CABIN1: variants seen among roughly 807,000 people sequenced by gnomAD.
CABIN1 encodes calcineurin-binding protein cabin-1.
A neutral mutation model predicts 227.7 loss-of-function variants in CABIN1; 133 were observed. The observed-to-expected ratio is 0.58, with a 90% CI of 0.51 to 0.67. CABIN1 has a LOEUF of 0.67. CABIN1 is among the 30% of genes least tolerant of loss of function. The probability of loss-of-function intolerance (pLI) is 0.00; values close to 1 mark genes in which losing one functional copy is unlikely to be tolerated. For missense variants in CABIN1, 2,408 were observed against 2,852.5 expected (o/e 0.84, Z 3.55); for synonymous variants, 1,086 against 1,155.1 (o/e 0.94, Z 1.21).
intron 27 of CABIN1, among the ~76,000 whole-genome samples, chr22:24,114,619 C>T (rs964852842): frequency 1.3e-5 from 2 of 152,206 alleles, no homozygotes; most frequent in Non-Finnish European, 2.9e-5. Context: ...CGCTACCTCT[C>T]CGGGTGGGAT....
At chr22:24,076,984 A>G (rs1407878187) in intron 19 of CABIN1, among the ~76,000 whole-genome samples, 1 of 152,228 alleles carries the variant, frequency 6.6e-6, no homozygotes, top group Non-Finnish European at 1.5e-5. Context: ...AACCATGCCC[A>G]TTCATTTACA....
At chr22:24,118,327 A>G (rs1191391277) in intron 27 of CABIN1, among the ~76,000 whole-genome samples, 2 of 152,146 alleles carry the variant, frequency 1.3e-5, no homozygotes, top group African/African-American at 4.8e-5. Context: ...TTCTTTCCTC[A>G]ACGAGAATAG....
chr22:24,095,581 G>T (rs531121762), intron 24 of CABIN1, among the ~76,000 whole-genome samples: 1 of 152,278 alleles, frequency 6.6e-6, no homozygotes, highest in Non-Finnish European at 1.5e-5. Context: ...ACTTTCTATG[G>T]GTGCCCACTG....
At position 24,141,530 on chromosome 22, in the gene CABIN1, G is replaced by A. The variant is rs569115565; in HGVS notation, c.4746+7115G>A. On this transcript the variant is annotated intron_variant, in intron 29 of 36. Transcript: ENST00000263119. ...AGGACACAGGTCCCCACAGCCAAGC[G>A]CTTCCACACCTTGCCAGGTGTTTTG... 5.9e-5 allele frequency among the ~76,000 whole-genome samples: 9 copies of A among 152,356 alleles called. No individual in the cohort carries two copies. In the East Asian group the frequency reaches 1.4e-3, roughly 23 times the overall value.
At position 24,063,108 on chromosome 22, in the gene CABIN1, C is replaced by T. The variant is rs143758897; in HGVS notation, c.1846C>T (p.Arg616Cys). ...FEDGWLEFVV[R>C]VYWLKARFLA... is the part of the protein sequence containing the mutation. The stretch of plus-strand genomic sequence containing the variant: ...GGATGGTTGGCTGGAGTTTGTGGTC[C>T]GTGTTTACTGGCTGAAGGCTCGCTT... The change falls in exon 14 of 37, where the codon CGT (arginine) becomes TGT (cysteine). Residue 616 changes from arginine to cysteine, a missense_variant. Coordinates refer to ENST00000263119, the MANE Select transcript of CABIN1 (RefSeq NM_012295.4). 2.0e-5 allele frequency: 32 copies of T among 1,614,006 alleles called. No individual in the cohort carries two copies. In the South Asian group the frequency reaches 2.3e-4, roughly 12 times the overall value.
intron 1 of CABIN1, among the ~76,000 whole-genome samples, chr22:24,032,525 T>C (rs117695503): frequency 6.6e-6 from 1 of 152,354 alleles, no homozygotes; most frequent in East Asian, 1.9e-4. Context: ...CTGGGTCATG[T>C]AGTAATTCTG....
At chr22:24,058,971 T>G (rs565371153) in intron 10 of CABIN1, among the ~76,000 whole-genome samples, 1 of 152,360 alleles carries the variant, frequency 6.6e-6, no homozygotes, top group East Asian at 1.9e-4. Flanking sequence ...CCTAGCACAG[T>G]GCCTGGCACA....
intron 29 of CABIN1, among the ~76,000 whole-genome samples, chr22:24,159,952 G>A (rs2046053645): frequency 6.6e-6 from 1 of 152,160 alleles, no homozygotes; most frequent in Non-Finnish European, 1.5e-5. Flanking sequence ...TGGCATCACT[G>A]CATTCTCCAT....
chr22:24,128,308 A>G (rs1020263356), intron 28 of CABIN1, among the ~76,000 whole-genome samples: 32 of 104,884 alleles, frequency 3.1e-4, no homozygotes, highest in Admixed American at 5.3e-4. Flanking sequence ...GGGCGGGGGG[A>G]GGGTGGGCAC....
intron 1 of CABIN1, among the ~76,000 whole-genome samples, chr22:24,029,293 G>T (rs2036321176): frequency 6.6e-6 from 1 of 152,218 alleles, no homozygotes; most frequent in South Asian, 2.1e-4. Context: ...GTTGGAGGTT[G>T]CAGTGAGCCT....
chr22:24,098,825 G>A (rs2042045932), intron 26 of CABIN1, among the ~76,000 whole-genome samples: 1 of 152,164 alleles, frequency 6.6e-6, no homozygotes, highest in Non-Finnish European at 1.5e-5. Flanking sequence ...ATAGTGATAA[G>A]CTAGTGACAA....
chr22:24,070,065 C>CAAAA lies in CABIN1; in HGVS notation c.2233-723_2233-720dup, dbSNP rs66725021. 9.4e-4 allele frequency among the ~76,000 whole-genome samples: 108 copies of CAAAA among 115,414 alleles called. 1 individual carries two copies. Among genetic ancestry groups the CAAAA allele is most frequent in the African/African-American group, 3.2e-3 (102 of 31,620 alleles). 75.7% of individuals were successfully genotyped at this position (115,414 alleles called of 152,430 possible). ...CATTTAAATGGGTTGTATTCTAGGC[C>CAAAA]AAAAAAAAAAAAAAAGGAGCTTTGC... On this transcript the variant is annotated intron_variant, in intron 16 of 36. Transcript: ENST00000263119.
chr22:24,067,568 C>G (rs149292815), intron 16 of CABIN1, among the ~76,000 whole-genome samples: 39 of 152,274 alleles, frequency 2.6e-4, no homozygotes, highest in African/African-American at 8.9e-4. Flanking sequence ...TGGAAAGAAT[C>G]AAGATAAAAT....
intron 29 of CABIN1, among the ~76,000 whole-genome samples, chr22:24,139,858 G>T (rs2044647735): frequency 6.6e-6 from 1 of 152,238 alleles, no homozygotes; most frequent in South Asian, 2.1e-4. Context: ...CTCAGCAGTT[G>T]GTCTCCAAGC....
At position 24,083,279 on chromosome 22, in the gene CABIN1, C is replaced by A; in HGVS notation, c.2800C>A (p.Pro934Thr). 6.2e-7 allele frequency: 1 copy of A among 1,613,346 alleles called. No homozygotes were observed. The highest frequency in any genetic ancestry group is 8.5e-7 in the Non-Finnish European group (1 of 1,180,024). The change falls in exon 20 of 37, where the codon CCT (proline) becomes ACT (threonine). Residue 934 changes from proline to threonine, a missense_variant. Physicochemically the swap from Pro to Thr is conservative, Grantham distance 38. Transcript: ENST00000263119. ...LAASTSEDTH[P>T]YKEELETALE... Reference sequence around the variant, plus strand: ...TGCATCCACCTCTGAAGACACGCACCCTTACAAGGAGGAGCTGGAGACAGC... The same window carrying A: ...TGCATCCACCTCTGAAGACACGCACACTTACAAGGAGGAGCTGGAGACAGC...
intron 11 of CABIN1, among the ~76,000 whole-genome samples, 169 bp from the exon 12 acceptor site, chr22:24,059,755 C>CCT (rs2039054524): frequency 6.6e-6 from 1 of 152,098 alleles, no homozygotes; most frequent in Non-Finnish European, 1.5e-5. Flanking sequence ...AGGGTTGGAG[C>CCT]CAGGCATTGA....
At chr22:24,141,891 C>G (rs1013297411) in intron 29 of CABIN1, among the ~76,000 whole-genome samples, 4 of 152,166 alleles carry the variant, frequency 2.6e-5, no homozygotes, top group Non-Finnish European at 5.9e-5. Context: ...TGTGCTGTCC[C>G]AGCCCTGGAG....
At chr22:24,092,105 C>T in intron 24 of CABIN1, 1 of 543,156 alleles carries the variant, frequency 1.8e-6, no homozygotes, top group Non-Finnish European at 3.3e-6. Flanking sequence ...AACACAGGTT[C>T]TAAGAACCTG....
intron 27 of CABIN1, among the ~76,000 whole-genome samples, chr22:24,118,204 T>C (rs574178963): frequency 6.6e-6 from 1 of 151,142 alleles, no homozygotes; most frequent in Admixed American, 6.6e-5. Context: ...GGAGTGATGG[T>C]GGAGAGGCAA....
Sources: gnomAD v4.1 joint callset for allele counts (sites outside exome capture counted in the v4.1 genomes callset) on GRCh38, gnomAD v4.1.1 for gene constraint, MANE v1.5 for transcripts, NCBI Gene and HGNC (gene_info 2026-07-23, HGNC 2026-07-21) for gene names.